The following BBS9 variants were observed in gnomAD, a reference collection of about 807,000 sequenced individuals.
BBS9 encodes the protein Bardet-Biedl syndrome 9.
A neutral mutation model predicts 117.7 loss-of-function variants in BBS9; 89 were observed. The observed-to-expected ratio is 0.76, with a 90% CI of 0.64 to 0.90. BBS9 has a LOEUF of 0.90. Among genes scored for constraint, BBS9 ranks in the 40% least tolerant of loss-of-function variants. The probability of loss-of-function intolerance (pLI) is 0.00; values close to 1 mark genes in which losing one functional copy is unlikely to be tolerated. For missense variants in BBS9, 982 were observed against 1,042.2 expected (o/e 0.94, Z 0.80); for synonymous variants, 379 against 370.9 (o/e 1.02, Z -0.25).
intron 19 of BBS9, among the ~76,000 whole-genome samples, chr7:33,454,057 G>A (rs1291864336): frequency 6.6e-6 from 1 of 152,086 alleles, no homozygotes; most frequent in East Asian, 1.9e-4. Context: ...TGTTACTCTG[G>A]ATGGAACATG....
In BBS9 at chr7:33,415,599, G is replaced by C. The variant is rs1444894706; in HGVS notation, c.2115+27455G>C. On this transcript the variant is annotated intron_variant, in intron 19 of 22. Coordinates refer to ENST00000242067, the MANE Select transcript of BBS9 (RefSeq NM_198428.3). ...TTTAATAATTCCCAGTGTTGACAGAGATATCAAGAAGTGGACTTTCCAGTT... is the reference window on the plus strand; with the variant it reads ...TTTAATAATTCCCAGTGTTGACAGACATATCAAGAAGTGGACTTTCCAGTT... Among the ~76,000 whole-genome samples, 8 of 152,302 alleles carry C rather than the reference G, an allele frequency of 5.3e-5. No individual in the cohort carries two copies. In the East Asian group the frequency reaches 1.5e-3, roughly 29 times the overall value.
rs555075913 is a variant in BBS9 at position 33,530,793 on chromosome 7, T to C, written c.2299-3161T>C. On this transcript the variant is annotated intron_variant, in intron 20 of 22. Transcript: ENST00000242067. ...CTGTTGAAAGGATTTTCAAGATGAC[T>C]TTAAAATCATTTACTTGTTTCCTAA... Among the ~76,000 whole-genome samples the C allele has an allele frequency of 3.9e-5, 6 of 152,334 alleles. No homozygotes were observed. In the East Asian group the frequency reaches 9.7e-4, roughly 25 times the overall value.
Position 33,398,178 on chromosome 7 carries a change from T to C in BBS9, c.2115+10034T>C, listed in dbSNP as rs886417747. ...CACTTGAAATGTGAATTTTATGTTA[T>C]GTGTGTTTTACCAGATATATTACCA... On this transcript the variant is annotated intron_variant, in intron 19 of 22. Coordinates refer to ENST00000242067, the MANE Select transcript of BBS9 (RefSeq NM_198428.3). Among the ~76,000 whole-genome samples, 16 of 152,170 alleles carry C rather than the reference T, an allele frequency of 1.1e-4. 1 individual carries two copies. Among genetic ancestry groups the C allele is most frequent in the Admixed American group, 3.9e-4 (6 of 15,276 alleles).
At chr7:33,566,927 A>T (rs1453477822) in intron 21 of BBS9, among the ~76,000 whole-genome samples, 1 of 152,214 alleles carries the variant, frequency 6.6e-6, no homozygotes, top group Non-Finnish European at 1.5e-5. Context: ...CGTAAGAAGA[A>T]TAACTGTATA....
intron 9 of BBS9, among the ~76,000 whole-genome samples, chr7:33,305,367 T>G (rs1807664887): frequency 6.6e-6 from 1 of 152,162 alleles, no homozygotes; most frequent in South Asian, 2.1e-4. Context: ...TTAGTTTTAT[T>G]TATTTATTTT....
chr7:33,444,716 A>G (rs368826572), intron 19 of BBS9, among the ~76,000 whole-genome samples: 7 of 152,326 alleles, frequency 4.6e-5, no homozygotes, highest in African/African-American at 4.8e-5. Context: ...CTTAAGTAAG[A>G]GCCCAGAACA....
At chr7:33,519,580 C>T (rs1259288643) in intron 20 of BBS9, among the ~76,000 whole-genome samples, 1 of 151,082 alleles carries the variant, frequency 6.6e-6, no homozygotes, top group Non-Finnish European at 1.5e-5. Context: ...GAGCATTGTG[C>T]TTTTTTTTTA....
chr7:33,226,935 G>C (rs925233383), intron 5 of BBS9, among the ~76,000 whole-genome samples: 1 of 152,090 alleles, frequency 6.6e-6, no homozygotes, highest in Admixed American at 6.6e-5. Flanking sequence ...CTTTTGCTTA[G>C]GAAAGATGAA....
At chr7:33,445,869 G>C (rs997198020) in intron 19 of BBS9, among the ~76,000 whole-genome samples, 4 of 152,100 alleles carry the variant, frequency 2.6e-5, no homozygotes, top group African/African-American at 7.2e-5. Context: ...AGAAGGTTTT[G>C]CTTCCCTTTC....
At chr7:33,145,680 G>A (rs1792224937) in intron 1 of BBS9, among the ~76,000 whole-genome samples, 1 of 152,160 alleles carries the variant, frequency 6.6e-6, no homozygotes, top group African/African-American at 2.4e-5. Flanking sequence ...GTGTCCCCGG[G>A]TTTCACATCC....
At chr7:33,285,002 T>C (rs1802617113) in intron 9 of BBS9, among the ~76,000 whole-genome samples, 1 of 152,202 alleles carries the variant, frequency 6.6e-6, no homozygotes, top group Admixed American at 6.5e-5. Context: ...AGTGTTTATT[T>C]TGGGGCTTTA....
At chr7:33,545,699 G>A (rs762362964) in intron 21 of BBS9, among the ~76,000 whole-genome samples, 30 of 151,908 alleles carry the variant, frequency 2.0e-4, no homozygotes, top group Admixed American at 3.9e-4. Context: ...CCTGCCTCCC[G>A]TCTGTCATGA....
intron 17 of BBS9, among the ~76,000 whole-genome samples, chr7:33,383,172 T>C (rs533779576): frequency 6.6e-6 from 1 of 152,320 alleles, no homozygotes; most frequent in East Asian, 1.9e-4. Context: ...GCAAAATCTC[T>C]CTTCAAATTA....
In BBS9 at chr7:33,320,638, T is replaced by C. The variant is rs538697167; in HGVS notation, c.1017-15803T>C. The stretch of plus-strand genomic sequence containing the variant: ...GGATTGCTAGATCATATGGTAGCTC[T>C]ATTTTTAGTTTTTTGAGGAACTTTG... On this transcript the variant is annotated intron_variant, in intron 9 of 22. Transcript: ENST00000242067. Among the ~76,000 whole-genome samples the C allele has an allele frequency of 2.4e-4, 37 of 152,276 alleles. 1 individual carries two copies. In the South Asian group the frequency reaches 7.4e-3, roughly 31 times the overall value.
At chr7:33,465,529 G>A (rs1273745416) in intron 19 of BBS9, among the ~76,000 whole-genome samples, 10 of 152,030 alleles carry the variant, frequency 6.6e-5, no homozygotes, top group African/African-American at 1.2e-4. Context: ...AAATATTAAC[G>A]GATTTCAGTG....
chr7:33,176,232 C>A (rs1014005798), intron 4 of BBS9, among the ~76,000 whole-genome samples: 2 of 152,086 alleles, frequency 1.3e-5, no homozygotes, highest in Non-Finnish European at 2.9e-5. Flanking sequence ...TGGTACCCTG[C>A]AGTGGAAAAG....
At chr7:33,455,675 C>T (rs533654490) in intron 19 of BBS9, among the ~76,000 whole-genome samples, 2 of 152,160 alleles carry the variant, frequency 1.3e-5, no homozygotes, top group East Asian at 1.9e-4. Context: ...GGTGAAAACA[C>T]CCCCATGTGG....
rs34530007 is a variant in BBS9 at position 33,344,078 on chromosome 7, G to GTTTTT, written c.1276-482_1276-478dup. ...CTTTTCTTTCCTTTTTAGGGGATGAGTTTTTTTTTTTTTTTTTTTTTTTTT... is the reference window on the plus strand; with the variant it reads ...CTTTTCTTTCCTTTTTAGGGGATGAGTTTTTTTTTTTTTTTTTTTTTTTTTTTTTT... On this transcript the variant is annotated intron_variant, in intron 11 of 22. Coordinates refer to ENST00000242067, the MANE Select transcript of BBS9 (RefSeq NM_198428.3). 1.7e-3 allele frequency among the ~76,000 whole-genome samples: 115 copies of GTTTTT among 67,494 alleles called. 4 individuals carry two copies. Among genetic ancestry groups the GTTTTT allele is most frequent in the African/African-American group, 6.1e-3 (92 of 15,124 alleles). The allele number at this position is 67,494 out of a possible 152,430, so 44.3% of individuals were successfully genotyped here.
chr7:33,333,546 T>G (rs1320945144), intron 9 of BBS9, among the ~76,000 whole-genome samples: 1 of 151,874 alleles, frequency 6.6e-6, no homozygotes, highest in African/African-American at 2.4e-5. Flanking sequence ...AACAAACATA[T>G]AAAAAAGTGC....
Sources: gnomAD v4.1 joint callset for allele counts (sites outside exome capture counted in the v4.1 genomes callset) on GRCh38, gnomAD v4.1.1 for gene constraint, MANE v1.5 for transcripts, NCBI Gene and HGNC (gene_info 2026-07-23, HGNC 2026-07-21) for gene names.